Variants in ATXN1 observed in about 807,000 individuals in gnomAD.
ATXN1 encodes ataxin-1.
In ATXN1, 8 loss-of-function variants were observed where a neutral mutation model predicts 56.4. The ratio of observed to expected loss-of-function variants is 0.14; its 90% CI spans 0.08 to 0.26. The LOEUF is 0.26. ATXN1 is among the 10% of genes least tolerant of loss of function. The pLI is 1.00. For synonymous variants in ATXN1, 514 were observed against 494.6 expected (o/e 1.04, Z -0.52); for missense variants, 987 against 1,106.5 (o/e 0.89, Z 1.53).
At chr6:16,525,345 A>G (rs756935245) in intron 4 of ATXN1, among the ~76,000 whole-genome samples, 25 of 152,206 alleles carry the variant, frequency 1.6e-4, no homozygotes, top group Non-Finnish European at 3.7e-4. Context: ...CAGCCATAAA[A>G]AAGAATGAGA....
At position 16,427,086 on chromosome 6, in the gene ATXN1, C is replaced by G. The variant is rs2113574828; in HGVS notation, c.-161+58886G>C. Among the ~76,000 whole-genome samples the G allele has an allele frequency of 3.9e-5, 6 of 152,304 alleles. 2 individuals carry two copies. The Middle Eastern group carries it at 0.02, about 518-fold the overall frequency. On this transcript the variant is annotated intron_variant, in intron 6 of 7. Transcript: ENST00000436367. Reference sequence around the variant, plus strand: ...TGGATGGACACGGTCTAGATCCAGACATGGAACTCTCCATGTCCTTGACTG... The same window carrying G: ...TGGATGGACACGGTCTAGATCCAGAGATGGAACTCTCCATGTCCTTGACTG...
intron 6 of ATXN1, among the ~76,000 whole-genome samples, chr6:16,381,812 G>A (rs773932024): frequency 3.9e-5 from 6 of 152,114 alleles, no homozygotes; most frequent in Non-Finnish European, 7.3e-5. Context: ...AGGTATCTAC[G>A]TTTGGTAGAT....
At chr6:16,494,927 G>C (rs1456707187) in intron 5 of ATXN1, among the ~76,000 whole-genome samples, 1 of 152,180 alleles carries the variant, frequency 6.6e-6, no homozygotes, top group Non-Finnish European at 1.5e-5. Context: ...TAGAAGCCCA[G>C]AGACTCCACA....
chr6:16,761,065 T>TACACACACAC (rs3831007), intron 1 of ATXN1: 4 of 324,010 alleles, frequency 1.2e-5, no homozygotes, highest in Non-Finnish European at 2.5e-5. Flanking sequence ...TGTACACACA[T>TACACACACAC]ACACACACAC....
At chr6:16,374,325 C>G (rs182877723) in intron 6 of ATXN1, among the ~76,000 whole-genome samples, 1 of 152,228 alleles carries the variant, frequency 6.6e-6, no homozygotes, top group East Asian at 1.9e-4. Context: ...TAAAAACTTC[C>G]CTACTATAAA....
In ATXN1 at chr6:16,590,051, G is replaced by A. The variant is rs1245823679; in HGVS notation, c.-488-4144C>T. 6.6e-5 allele frequency among the ~76,000 whole-genome samples: 10 copies of A among 152,056 alleles called. No homozygotes were observed. In the South Asian group the frequency reaches 1.0e-3, roughly 16 times the overall value. On this transcript the variant is annotated intron_variant, in intron 3 of 7. Coordinates refer to ENST00000436367, the MANE Select transcript of ATXN1 (RefSeq NM_001128164.2). ...CAAGTGCTGTAAACATTGAGCTGAC[G>A]TAATTATAAATACTTACTGTAAGCT...
chr6:16,599,496 A>T (rs1762875943), intron 3 of ATXN1, among the ~76,000 whole-genome samples: 1 of 152,040 alleles, frequency 6.6e-6, no homozygotes, highest in Non-Finnish European at 1.5e-5. Flanking sequence ...GCGGATCATG[A>T]GGTCAGAAGA....
At chr6:16,362,162 G>C (rs1048444501) in intron 6 of ATXN1, among the ~76,000 whole-genome samples, 3 of 152,176 alleles carry the variant, frequency 2.0e-5, no homozygotes, top group African/African-American at 7.2e-5. Flanking sequence ...CGTGACGATG[G>C]AGACCATTCT....
intron 4 of ATXN1, among the ~76,000 whole-genome samples, chr6:16,548,618 AC>A (rs1427780646): frequency 6.6e-6 from 1 of 152,026 alleles, no homozygotes; most frequent in Admixed American, 6.6e-5. Flanking sequence ...AAAATTTTAA[AC>A]TTTTTTTTTT....
intron 6 of ATXN1, among the ~76,000 whole-genome samples, chr6:16,361,829 G>T (rs1761814008): frequency 6.6e-6 from 1 of 152,158 alleles, no homozygotes; most frequent in Non-Finnish European, 1.5e-5. Flanking sequence ...TTGACTGAGG[G>T]TCTTCTGATT....
chr6:16,566,603 C>G (rs1307183944), intron 4 of ATXN1, among the ~76,000 whole-genome samples: 3 of 152,094 alleles, frequency 2.0e-5, no homozygotes, highest in Non-Finnish European at 4.4e-5. Flanking sequence ...ACTGTAATCC[C>G]AGCACTTTGG....
intron 6 of ATXN1, among the ~76,000 whole-genome samples, chr6:16,461,702 A>G (rs1206866256): frequency 6.6e-6 from 1 of 152,230 alleles, no homozygotes; most frequent in Non-Finnish European, 1.5e-5. Flanking sequence ...GCTTCCCCAA[A>G]GCTTACAAAA....
At chr6:16,598,981 G>A (rs1257809938) in intron 3 of ATXN1, among the ~76,000 whole-genome samples, 3 of 152,222 alleles carry the variant, frequency 2.0e-5, no homozygotes, top group East Asian at 1.9e-4. Flanking sequence ...AAGGTAGTAG[G>A]AGCAGATGAG....
intron 3 of ATXN1, among the ~76,000 whole-genome samples, chr6:16,609,884 T>C (rs1009035804): frequency 4.6e-5 from 7 of 152,138 alleles, no homozygotes; most frequent in Admixed American, 3.9e-4. Flanking sequence ...AGACCCAGAC[T>C]TAGGCGTGAA....
chr6:16,445,283 C>G (rs1759609486), intron 6 of ATXN1, among the ~76,000 whole-genome samples: 1 of 151,974 alleles, frequency 6.6e-6, no homozygotes, highest in Non-Finnish European at 1.5e-5. Flanking sequence ...AAGAAGAATC[C>G]TAATCATTTA....
chr6:16,622,743 G>T (rs1487004487), intron 3 of ATXN1, among the ~76,000 whole-genome samples: 1 of 152,104 alleles, frequency 6.6e-6, no homozygotes, highest in Non-Finnish European at 1.5e-5. Context: ...ACTATGCAGG[G>T]TACTTAGAAA....
At position 16,532,623 on chromosome 6, in the gene ATXN1, A is replaced by G. The variant is rs112395922; in HGVS notation, c.-360-9935T>C. 1.9e-3 allele frequency among the ~76,000 whole-genome samples: 295 copies of G among 152,322 alleles called. 1 individual carries two copies. Among genetic ancestry groups the G allele is most frequent in the African/African-American group, 6.5e-3 (270 of 41,570 alleles). On this transcript the variant is annotated intron_variant, in intron 4 of 7. Coordinates refer to ENST00000436367, the MANE Select transcript of ATXN1 (RefSeq NM_001128164.2). The stretch of plus-strand genomic sequence containing the variant: ...TTAAGCACACGAAAAGACACTCAAC[A>G]TCACTAATCATTAGGAAAATGCAAA...
chr6:16,411,027 A>T (rs1758786429), intron 6 of ATXN1, among the ~76,000 whole-genome samples: 1 of 149,022 alleles, frequency 6.7e-6, no homozygotes. Context: ...TGGGAGGCTG[A>T]GGCAGGAGAA....
chr6:16,583,122 T>A (rs561652781), intron 4 of ATXN1, among the ~76,000 whole-genome samples: 1 of 152,390 alleles, frequency 6.6e-6, no homozygotes, highest in East Asian at 1.9e-4. Context: ...GAATGATTTA[T>A]GACACATTAA....
Sources: allele counts gnomAD v4.1 joint callset (sites outside exome capture counted in the v4.1 genomes callset), GRCh38; gene constraint gnomAD v4.1.1; transcripts MANE v1.5; gene names NCBI Gene and HGNC (gene_info 2026-07-23, HGNC 2026-07-21).